RABGAP1L: variants seen among roughly 807,000 people sequenced by gnomAD.
RABGAP1L encodes the protein RAB GTPase activating protein 1 like, also known as rab GTPase-activating protein 1-like.
Under a neutral mutation model 137.7 loss-of-function variants are expected in RABGAP1L, and 63 were observed. The observed-to-expected ratio is 0.46, with a 90% CI of 0.37 to 0.56. The LOEUF (loss-of-function observed/expected upper bound fraction) is 0.56. Among genes scored for constraint, RABGAP1L ranks in the 20% least tolerant of loss-of-function variants. The probability of loss-of-function intolerance (pLI) is 0.00; values close to 1 mark genes in which losing one functional copy is unlikely to be tolerated. For missense variants in RABGAP1L, 1,095 were observed against 1,244.0 expected, an observed-to-expected ratio of 0.88 and a Z score of 1.80; for synonymous variants, 431 against 433.7, an observed-to-expected ratio of 0.99 and a Z score of 0.08.
intron 13 of RABGAP1L, among the ~76,000 whole-genome samples, chr1:174,553,526 A>G (rs981835113): frequency 5.3e-5 from 8 of 152,196 alleles, no homozygotes; most frequent in African/African-American, 9.7e-5. Context: ...TCAAGTTCAC[A>G]AAATCTCTTC....
chr1:174,886,908 G>A (rs754647653), intron 19 of RABGAP1L, among the ~76,000 whole-genome samples: 3 of 151,874 alleles, frequency 2.0e-5, no homozygotes, highest in South Asian at 2.1e-4. Flanking sequence ...CCAGGTTCAA[G>A]CAATCCTCTT....
At chr1:174,702,078 C>G in intron 16 of RABGAP1L, 35 bp from the exon 17 acceptor site, 1 of 1,593,502 alleles carries the variant, frequency 6.3e-7, no homozygotes, top group South Asian at 1.2e-5. Flanking sequence ...CTGCAAGCTT[C>G]TCATTGCTCC....
intron 13 of RABGAP1L, among the ~76,000 whole-genome samples, chr1:174,480,472 G>A (rs1248069917): frequency 6.6e-6 from 1 of 152,210 alleles, no homozygotes; most frequent in Non-Finnish European, 1.5e-5. Context: ...GCAAACTGCA[G>A]TGCAATCAAG....
At chr1:174,516,379 G>A (rs572644395) in intron 13 of RABGAP1L, among the ~76,000 whole-genome samples, 14 of 151,976 alleles carry the variant, frequency 9.2e-5, no homozygotes, top group Non-Finnish European at 2.1e-4. Flanking sequence ...ACAAAAATGC[G>A]ACTAATTTTT....
At chr1:174,650,066 G>A (rs1675331379) in intron 14 of RABGAP1L, among the ~76,000 whole-genome samples, 1 of 152,008 alleles carries the variant, frequency 6.6e-6, no homozygotes, top group South Asian at 2.1e-4. Flanking sequence ...TTTGTCAAAG[G>A]CCTTTTCTGC....
At chr1:174,740,750 T>A (rs1683326593) in intron 17 of RABGAP1L, among the ~76,000 whole-genome samples, 1 of 152,228 alleles carries the variant, frequency 6.6e-6, no homozygotes, top group Non-Finnish European at 1.5e-5. Flanking sequence ...CTGTCTTTTT[T>A]AATAATAGGG....
Position 174,957,537 on chromosome 1 carries a change from G to A in RABGAP1L, c.2421G>A (p.Met807Ile). The A allele has an allele frequency of 6.2e-7, 1 of 1,604,730 alleles. No individual in the cohort carries two copies. The highest frequency in any genetic ancestry group is 8.5e-7 in the Non-Finnish European group (1 of 1,171,686). The change falls in exon 20 of 26, where the codon ATG (methionine) becomes ATA (isoleucine). Residue 807 changes from methionine (M) to isoleucine (I), a missense_variant. Met to Ile is a conservative substitution (Grantham distance 10). Coordinates refer to ENST00000681986, the MANE Select transcript of RABGAP1L (RefSeq NM_001366446.1). The part of the protein sequence containing the change: ...RESQLQQEDP[M>I]DRYKRENRRL... ...GTCAGCTGCAACAGGAAGACCCAAT[G>A]GATAGATACAAGGTATGAGAAATAT...
chr1:174,753,977 G>T (rs899256236), intron 18 of RABGAP1L, among the ~76,000 whole-genome samples: 1 of 152,130 alleles, frequency 6.6e-6, no homozygotes, highest in African/African-American at 2.4e-5. Context: ...CTGGATATCA[G>T]ACCTATACCC....
At chr1:174,913,434 C>T (rs1660367054) in intron 19 of RABGAP1L, among the ~76,000 whole-genome samples, 1 of 152,312 alleles carries the variant, frequency 6.6e-6, no homozygotes, top group South Asian at 2.1e-4. Context: ...TCCCTGTGTA[C>T]TGTCGATTAG....
At chr1:174,808,160 T>C (rs12046326) in intron 18 of RABGAP1L, among the ~76,000 whole-genome samples, 95,303 of 151,332 alleles carry the variant, frequency 0.63, 33,257 homozygotes, top group East Asian at 0.93. Context: ...AAATTTTTTT[T>C]GTATTTTTAG....
chr1:174,347,864 T>A (rs898182811), intron 11 of RABGAP1L, among the ~76,000 whole-genome samples: 2 of 152,226 alleles, frequency 1.3e-5, no homozygotes, highest in African/African-American at 4.8e-5. Context: ...GGATATCTTT[T>A]CTATCCCTTT....
chr1:174,830,964 AGG>A (rs1692053780), intron 19 of RABGAP1L, among the ~76,000 whole-genome samples: 1 of 148,026 alleles, frequency 6.8e-6, no homozygotes, highest in African/African-American at 2.5e-5. Flanking sequence ...TACATCAGAA[AGG>A]TGGGTTTCCA....
chr1:174,424,541 TAAAAC>T (rs1571739279), intron 13 of RABGAP1L, among the ~76,000 whole-genome samples: 1 of 152,096 alleles, frequency 6.6e-6, no homozygotes, highest in African/African-American at 2.4e-5. Flanking sequence ...AACCATGTTT[TAAAAC>T]AAAGTTTGGC....
chr1:174,645,958 A>G (rs944112899), intron 14 of RABGAP1L, among the ~76,000 whole-genome samples: 3 of 152,198 alleles, frequency 2.0e-5, no homozygotes, highest in South Asian at 2.1e-4. Context: ...CTAGTGACCA[A>G]TTATAATGAG....
chr1:174,612,374 A>G (rs1671339193), intron 13 of RABGAP1L, among the ~76,000 whole-genome samples: 1 of 152,144 alleles, frequency 6.6e-6, no homozygotes, highest in Non-Finnish European at 1.5e-5. Flanking sequence ...ATTTGTGTAT[A>G]TTGAACCAGC....
intron 7 of RABGAP1L, among the ~76,000 whole-genome samples, chr1:174,260,972 A>G (rs1387530171): frequency 1.3e-5 from 2 of 151,868 alleles, no homozygotes; most frequent in African/African-American, 4.8e-5. Context: ...TACCATATAC[A>G]TTTAGAAAAT....
intron 14 of RABGAP1L, among the ~76,000 whole-genome samples, chr1:174,648,963 T>C (rs1675222830): frequency 6.6e-6 from 1 of 152,144 alleles, no homozygotes; most frequent in East Asian, 1.9e-4. Flanking sequence ...AATGCCCATC[T>C]TTGACTTTTT....
intron 1 of RABGAP1L, among the ~76,000 whole-genome samples, chr1:174,174,201 C>CACAG (rs1284059079): frequency 3.5e-5 from 2 of 56,456 alleles, no homozygotes; most frequent in Admixed American, 3.2e-4. Flanking sequence ...AAAATACACA[C>CACAG]ACACACACAC....
At chr1:174,610,466 T>C (rs1394602088) in intron 13 of RABGAP1L, among the ~76,000 whole-genome samples, 1 of 152,052 alleles carries the variant, frequency 6.6e-6, no homozygotes, top group Non-Finnish European at 1.5e-5. Flanking sequence ...TGTTGGACAT[T>C]TGGGTTGGTT....
Sources: allele counts gnomAD v4.1 joint callset (sites outside exome capture counted in the v4.1 genomes callset), GRCh38; gene constraint gnomAD v4.1.1; transcripts MANE v1.5; gene names NCBI Gene and HGNC (gene_info 2026-07-23, HGNC 2026-07-21).